The following FEZ2 variants were observed in gnomAD, a reference collection of about 807,000 sequenced individuals.
The protein encoded by FEZ2 is fasciculation and elongation protein zeta-2.
FEZ2 carries 51 observed loss-of-function variants against 40.4 expected under a neutral mutation model. That is an observed-to-expected ratio of 1.26 (90% confidence interval 1.01 to 1.59). The LOEUF (loss-of-function observed/expected upper bound fraction) is 1.59, where lower values mean the gene tolerates loss of function less well. Among genes scored for constraint, FEZ2 ranks in the 40% most tolerant of loss-of-function variants. The pLI is 0.00. For missense variants in FEZ2, 640 were observed against 438.3 expected (o/e 1.46, Z -4.11); for synonymous variants, 242 against 172.0 (o/e 1.41, Z -3.18).
rs1403165877 is a variant in FEZ2, at chr2:36,597,919, G to A, written c.224C>T (p.Ala75Val). The A allele has an allele frequency of 7.0e-6, 10 of 1,424,596 alleles. No individual in the cohort carries two copies. The highest frequency in any genetic ancestry group is 3.0e-5 in the East Asian group (1 of 33,154). The allele number at this position is 1,424,596 out of a possible 1,614,324, so 88.2% of individuals were successfully genotyped here. The change falls in exon 1 of 8, where the codon GCC becomes GTC. Residue 75 changes from alanine (A) to valine (V), a missense_variant. Physicochemically the swap from Ala to Val is moderately conservative, Grantham distance 64. Coordinates refer to ENST00000405912, the MANE Select transcript of FEZ2 (RefSeq NM_005102.3). ...GCTGCGCTCCGTGATGGGCCGCACG[G>A]CCGTCCTCGGGGGCTCGGCGCCCGG... ...SDPGAEPPRTAVRPITERSLL... is the reference protein window; with the variant it reads ...SDPGAEPPRTVVRPITERSLL...
chr2:36,572,019 A>AG (rs1668431460), intron 5 of FEZ2, among the ~76,000 whole-genome samples: 2 of 42,344 alleles, frequency 4.7e-5, no homozygotes, highest in Non-Finnish European at 7.5e-5. Context: ...CGTCTCAGGA[A>AG]AAAAAAAAAA....
intron 5 of FEZ2, among the ~76,000 whole-genome samples, chr2:36,566,958 T>C (rs72795258): frequency 1.7e-5 from 2 of 115,174 alleles, no homozygotes; most frequent in Admixed American, 1.7e-4. Flanking sequence ...ACACACACAC[T>C]CTCTCTCTCT....
At chr2:36,593,163 C>CT (rs757398238) in intron 1 of FEZ2, among the ~76,000 whole-genome samples, 29 of 152,316 alleles carry the variant, frequency 1.9e-4, no homozygotes, top group Non-Finnish European at 2.9e-4. Context: ...TTTAATTGGA[C>CT]TTACAGTTCC....
chr2:36,571,951 G>A (rs1205631827), intron 5 of FEZ2, among the ~76,000 whole-genome samples: 1 of 146,030 alleles, frequency 6.8e-6, no homozygotes, highest in East Asian at 2.0e-4. Context: ...GGATGCGGAG[G>A]TTGCAGTGAG....
intron 5 of FEZ2, among the ~76,000 whole-genome samples, chr2:36,569,854 A>G (rs995975224): frequency 2.0e-5 from 3 of 152,218 alleles, no homozygotes; most frequent in African/African-American, 7.2e-5. Context: ...AAAAGGTTTG[A>G]AAAAGCACTC....
chr2:36,585,766 A>T (rs960957719), intron 2 of FEZ2, among the ~76,000 whole-genome samples: 8 of 152,250 alleles, frequency 5.3e-5, no homozygotes, highest in African/African-American at 1.9e-4. Flanking sequence ...ATGTTATGTA[A>T]TTACATTGGG....
intron 6 of FEZ2, 123 bp downstream of exon 6, chr2:36,558,315 T>C: frequency 5.8e-6 from 3 of 520,128 alleles, no homozygotes; most frequent in African/African-American, 1.9e-5. Context: ...AAATAAACAA[T>C]TATATGCATC....
intron 3 of FEZ2, 56 bp downstream of exon 3, chr2:36,583,297 C>A (rs1573024072): frequency 2.3e-6 from 2 of 872,198 alleles, no homozygotes; most frequent in East Asian, 2.4e-5. Context: ...TAACAAGAAG[C>A]CGTTTTTCAG....
chr2:36,572,726 T>C (rs1452137023), intron 5 of FEZ2, among the ~76,000 whole-genome samples: 1 of 152,132 alleles, frequency 6.6e-6, no homozygotes, highest in Non-Finnish European at 1.5e-5. Context: ...TCTGAGCAAA[T>C]GTGCTGTTAA....
intron 2 of FEZ2, among the ~76,000 whole-genome samples, chr2:36,584,975 G>A (rs1668861499): frequency 6.6e-6 from 1 of 152,090 alleles, no homozygotes; most frequent in Non-Finnish European, 1.5e-5. Flanking sequence ...GCGCAGTGAC[G>A]ACAGCCCTTC....
chr2:36,595,502 A>C (rs147734308), intron 1 of FEZ2, among the ~76,000 whole-genome samples: 98 of 152,290 alleles, frequency 6.4e-4, no homozygotes, highest in African/African-American at 2.0e-3. Context: ...CTCAGGTGGT[A>C]ATGCAAGCAA....
intron 1 of FEZ2, among the ~76,000 whole-genome samples, chr2:36,597,135 A>ACT (rs1188369452): frequency 1.3e-5 from 2 of 151,286 alleles, no homozygotes; most frequent in African/African-American, 4.9e-5. Flanking sequence ...GGCGGCTCGC[A>ACT]CTCTACCAGG....
chr2:36,571,805 A>G (rs913689721), intron 5 of FEZ2, among the ~76,000 whole-genome samples: 7 of 151,820 alleles, frequency 4.6e-5, no homozygotes, highest in African/African-American at 1.7e-4. Flanking sequence ...CAGGAGTTCA[A>G]GACAAGCCTG....
intron 4 of FEZ2, 131 bp downstream of exon 4, chr2:36,581,159 A>G (rs1205376456): frequency 7.5e-6 from 7 of 933,270 alleles, no homozygotes; most frequent in Non-Finnish European, 1.1e-5. Context: ...AACAACAACA[A>G]CAAAAATGTA....
In FEZ2 at chr2:36,598,021, C is replaced by G. The variant is rs1669292477; in HGVS notation, c.122G>C (p.Gly41Ala). 2 of 1,495,126 alleles carry G rather than the reference C, an allele frequency of 1.3e-6. No individual in the cohort carries two copies. Among genetic ancestry groups the G allele is most frequent in the Non-Finnish European group, 8.9e-7 (1 of 1,126,692 alleles). The allele number at this position is 1,495,126 out of a possible 1,614,324, so 92.6% of individuals were successfully genotyped here. A position where few individuals can be genotyped will look rare whatever the true frequency, so the allele number is the denominator to read the frequency against. The part of the protein sequence containing the change: ...EPGAEAGAEA[G>A]GGADGFPAPA... ...GGCCGGGAAACCGTCGGCGCCCCCA[C>G]CCGCCTCGGCCCCCGCCTCCGCCCC... is the stretch of plus-strand genomic sequence containing the variant. Residue 41 changes from glycine to alanine, a missense_variant, in exon 1 of 8, where the codon GGT (glycine) becomes GCT (alanine). Coordinates refer to ENST00000405912, the MANE Select transcript of FEZ2 (RefSeq NM_005102.3).
intron 7 of FEZ2, 45 bp from the exon 8 acceptor site, chr2:36,553,224 T>C (rs1043623130): frequency 9.7e-6 from 13 of 1,343,704 alleles, no homozygotes; most frequent in Non-Finnish European, 1.3e-5. Flanking sequence ...ATATTTTGTA[T>C]ACATTTACAC....
rs1458314256 is a variant in FEZ2, at chr2:36,583,396, A to G, written c.449T>C (p.Ile150Thr). The change falls in exon 3 of 8, where the codon ATC (isoleucine) becomes ACC (threonine). Residue 150 changes from isoleucine to threonine, a missense_variant. Coordinates refer to ENST00000405912, the MANE Select transcript of FEZ2 (RefSeq NM_005102.3). Reference protein sequence around the residue: ...LREQLDMHSIIVSCVNDEPLF... With the variant: ...LREQLDMHSITVSCVNDEPLF... ...GGGTTCATCATTAACACAGGAGACG[A>G]TGATTGAGTGCATATCCAGCTGTTC... The G allele has an allele frequency of 1.2e-6, 2 of 1,607,886 alleles. No homozygotes were observed. Among genetic ancestry groups the G allele is most frequent in the Non-Finnish European group, 1.7e-6 (2 of 1,174,464 alleles).
chr2:36,580,183 A>G (rs1477095414), intron 4 of FEZ2, among the ~76,000 whole-genome samples: 1 of 152,222 alleles, frequency 6.6e-6, no homozygotes, highest in Non-Finnish European at 1.5e-5. Flanking sequence ...AAACCAATAC[A>G]GATTTTAGTA....
intron 4 of FEZ2, 49 bp downstream of exon 4, chr2:36,581,241 G>C (rs755864062): frequency 5.1e-6 from 8 of 1,559,808 alleles, no homozygotes; most frequent in South Asian, 1.1e-5. Flanking sequence ...CTATACATTT[G>C]ATACAGACAA....
Sources: allele counts gnomAD v4.1 joint callset (sites outside exome capture counted in the v4.1 genomes callset), GRCh38; gene constraint gnomAD v4.1.1; transcripts MANE v1.5; gene names NCBI Gene and HGNC (gene_info 2026-07-23, HGNC 2026-07-21).